ATP9A: variants seen among roughly 807,000 people sequenced by gnomAD.
ATP9A encodes the protein probable phospholipid-transporting ATPase IIA.
ATP9A carries 52 observed loss-of-function variants against 144.1 expected under a neutral mutation model. That is an observed-to-expected ratio of 0.36 (90% CI 0.29 to 0.45). The LOEUF (loss-of-function observed/expected upper bound fraction) is 0.45, where lower values mean the gene tolerates loss of function less well. ATP9A is among the 20% of genes least tolerant of loss of function. The pLI, the probability that ATP9A is intolerant of heterozygous loss-of-function variation, is 1.00. For missense variants in ATP9A, 947 were observed against 1,392.7 expected (o/e 0.68, Z 5.09); for synonymous variants, 582 against 557.4 (o/e 1.04, Z -0.62).
intron 26 of ATP9A, among the ~76,000 whole-genome samples, chr20:51,606,812 A>C (rs1290592992): frequency 6.6e-6 from 1 of 152,012 alleles, no homozygotes; most frequent in Non-Finnish European, 1.5e-5. Flanking sequence ...GGGGAGGTCG[A>C]GGCTACGGCG....
intron 23 of ATP9A, among the ~76,000 whole-genome samples, chr20:51,610,742 G>T (rs1374473755): frequency 6.6e-6 from 1 of 152,114 alleles, no homozygotes; most frequent in African/African-American, 2.4e-5. Context: ...CGTAGGTATG[G>T]AAACACATAC....
Position 51,598,366 on chromosome 20 carries a change from A to C in ATP9A, c.*2845T>G, listed in dbSNP as rs1342477809. The C allele has an allele frequency of 1.3e-5, 2 of 152,120 alleles. No homozygotes were observed. 9.4% of individuals were successfully genotyped at this position (152,120 alleles called of 1,614,324 possible). A position where few individuals can be genotyped will look rare whatever the true frequency, so the allele number is the denominator to read the frequency against. ...GCAGGGAGCTGTGAGTTTTGCTTTC[A>C]GGAAAAGTGTTCAAACAGTGCTGAC... On this transcript the variant is annotated 3_prime_UTR_variant, in exon 28 of 28. Coordinates refer to ENST00000338821, the MANE Select transcript of ATP9A (RefSeq NM_006045.3).
In ATP9A at chr20:51,610,122, T is replaced by C; in HGVS notation, c.2615A>G (p.Tyr872Cys). ...SVFYFASVPL[Y>C]QGFLIIGYST... is the part of the protein sequence containing the mutation. ...TTACCCAATGATGAGGAATCCTTGATAGAGAGGGACGGAGGCAAAGTAAAA... is the reference window on the plus strand; with the variant it reads ...TTACCCAATGATGAGGAATCCTTGACAGAGAGGGACGGAGGCAAAGTAAAA... The change falls in exon 24 of 28, where the codon TAT becomes TGT. Residue 872 changes from tyrosine to cysteine, a missense_variant. Around this residue, in one of 2 missense-constraint regions of ATP9A, gnomAD observed 177 missense variants for 344.9 expected, o/e 0.51. Transcript: ENST00000338821. 1.2e-6 allele frequency: 2 copies of C among 1,608,320 alleles called. No individual in the cohort carries two copies. The highest frequency in any genetic ancestry group is 2.2e-5 in the East Asian group (1 of 44,864).
rs763111994 is a variant in ATP9A at position 51,689,054 on chromosome 20, G to A, written c.799+10C>T. 2.2e-5 allele frequency: 35 copies of A among 1,612,876 alleles called. No individual in the cohort carries two copies. The highest frequency in any genetic ancestry group is 2.7e-5 in the Non-Finnish European group (32 of 1,179,296). On this transcript the variant is annotated intron_variant, in intron 9 of 27. Coordinates refer to ENST00000338821, the MANE Select transcript of ATP9A (RefSeq NM_006045.3). ...AAATTGCTACCACATTCCTCAAAAC[G>A]GCGCCTCACCTGATGCGACCACAGT...
chr20:51,725,675 C>G (rs1225791087), intron 3 of ATP9A, 144 bp downstream of exon 3: 5 of 604,792 alleles, frequency 8.3e-6, no homozygotes, highest in African/African-American at 3.7e-5. Context: ...GTTAAAGTCT[C>G]AGAGACTCCC....
intron 10 of ATP9A, 76 bp from the exon 11 acceptor site, chr20:51,674,389 G>T: frequency 6.8e-7 from 1 of 1,478,018 alleles, no homozygotes; most frequent in Non-Finnish European, 9.2e-7. Flanking sequence ...GGAGGTGGAG[G>T]CTGCAGTGAG....
intron 16 of ATP9A, among the ~76,000 whole-genome samples, chr20:51,628,579 T>G (rs1340514432): frequency 6.6e-6 from 1 of 152,232 alleles, no homozygotes; most frequent in African/African-American, 2.4e-5. Flanking sequence ...GAGGCCCACC[T>G]GCAAGGAATA....
At chr20:51,714,856 T>G (rs1417135178) in intron 3 of ATP9A, among the ~76,000 whole-genome samples, 2 of 152,238 alleles carry the variant, frequency 1.3e-5, no homozygotes, top group Non-Finnish European at 2.9e-5. Context: ...AATTTTAAAC[T>G]TCCCCAACTT....
chr20:51,746,963 G>GC (rs11483800), intron 1 of ATP9A, among the ~76,000 whole-genome samples: 94,669 of 151,626 alleles, frequency 0.62, 29,786 homozygotes, highest in East Asian at 0.82. Context: ...CCGAGGTAGT[G>GC]CCATTGCACT....
intron 15 of ATP9A, among the ~76,000 whole-genome samples, chr20:51,637,643 A>AG (rs1417358335): frequency 6.6e-6 from 1 of 151,602 alleles, no homozygotes; most frequent in African/African-American, 2.4e-5. Flanking sequence ...GGCAGGGGGC[A>AG]GGGCCATGTG....
At position 51,598,853 on chromosome 20, in the gene ATP9A, G is replaced by C. The variant is rs2077130421; in HGVS notation, c.*2358C>G. 6.6e-6 allele frequency: 1 copy of C among 152,342 alleles called. No homozygotes were observed. The highest frequency in any genetic ancestry group is 6.5e-5 in the Admixed American group (1 of 15,294). The allele number at this position is 152,342 out of a possible 1,614,324, so 9.4% of individuals were successfully genotyped here. On this transcript the variant is annotated 3_prime_UTR_variant, in exon 28 of 28. Coordinates refer to ENST00000338821, the MANE Select transcript of ATP9A (RefSeq NM_006045.3). ...GGATGGGCCAACGACGTGGCAGTTTGCACTTGAGTGTCGGTACTTCTCACC... is the reference window on the plus strand; with the variant it reads ...GGATGGGCCAACGACGTGGCAGTTTCCACTTGAGTGTCGGTACTTCTCACC...
chr20:51,602,653 T>C (rs887857550), intron 27 of ATP9A, among the ~76,000 whole-genome samples: 2 of 152,230 alleles, frequency 1.3e-5, no homozygotes, highest in African/African-American at 2.4e-5. Flanking sequence ...CCTTTACTTT[T>C]CAGGGGATGT....
chr20:51,652,988 T>C (rs998659014), intron 14 of ATP9A, among the ~76,000 whole-genome samples: 4 of 151,782 alleles, frequency 2.6e-5, no homozygotes, highest in Non-Finnish European at 4.4e-5. Flanking sequence ...CGTGTGCCTG[T>C]AGTCCCAGCT....
At chr20:51,696,614 T>G (rs1417041992) in intron 5 of ATP9A, among the ~76,000 whole-genome samples, 3 of 152,184 alleles carry the variant, frequency 2.0e-5, no homozygotes, top group African/African-American at 7.2e-5. Flanking sequence ...TAAAAAAAAC[T>G]GGGGGGTGTG....
intron 14 of ATP9A, among the ~76,000 whole-genome samples, chr20:51,647,889 T>C (rs1232948980): frequency 6.6e-6 from 1 of 152,234 alleles, no homozygotes; most frequent in African/African-American, 2.4e-5. Context: ...TGTAAAACAC[T>C]GTCCAGCCCT....
At chr20:51,668,451 A>C (rs940212202) in intron 13 of ATP9A, among the ~76,000 whole-genome samples, 1 of 152,054 alleles carries the variant, frequency 6.6e-6, no homozygotes, top group African/African-American at 2.4e-5. Context: ...CTAGAGATGG[A>C]GATGGAGACA....
At chr20:51,663,914 G>A (rs1475463124) in intron 13 of ATP9A, among the ~76,000 whole-genome samples, 1 of 151,698 alleles carries the variant, frequency 6.6e-6, no homozygotes, top group African/African-American at 2.4e-5. Context: ...TGCATCCTGT[G>A]TATATATGTT....
chr20:51,646,955 T>TA (rs932081087), intron 14 of ATP9A, among the ~76,000 whole-genome samples: 6 of 151,450 alleles, frequency 4.0e-5, no homozygotes, highest in African/African-American at 7.3e-5. Context: ...CCATCTCTAC[T>TA]AAAAAAAAGT....
intron 13 of ATP9A, among the ~76,000 whole-genome samples, chr20:51,658,888 C>CGGGGGGCG (rs1555833847): frequency 5.5e-5 from 3 of 54,848 alleles, no homozygotes; most frequent in Non-Finnish European, 1.0e-4. Context: ...AGACCACTGG[C>CGGGGGGCG]GGGGGGGGGG....
Sources: allele counts gnomAD v4.1 joint callset (sites outside exome capture counted in the v4.1 genomes callset), GRCh38; gene constraint gnomAD v4.1.1; regional missense constraint gnomAD v4.1.1; transcripts MANE v1.5; gene names NCBI Gene and HGNC (gene_info 2026-07-23, HGNC 2026-07-21).